The following P4HA3 variants were observed in gnomAD, a reference collection of about 807,000 sequenced individuals.
The protein encoded by P4HA3 is prolyl 4-hydroxylase subunit alpha 3, also known as prolyl 4-hydroxylase subunit alpha-3.
A neutral mutation model predicts 66.7 loss-of-function variants in P4HA3; 60 were observed. That is an observed-to-expected ratio of 0.90 (90% CI 0.73 to 1.12). P4HA3 has a LOEUF of 1.12. Ranked by LOEUF, P4HA3 falls within the 50% of genes most tolerant of loss-of-function variation. The pLI is 0.00. For missense variants in P4HA3, 683 were observed against 685.8 expected (o/e 1.00, Z 0.05); for synonymous variants, 263 against 274.6 (o/e 0.96, Z 0.42).
At chr11:74,281,437 C>T (rs1218917837) in intron 7 of P4HA3, among the ~76,000 whole-genome samples, 17 of 152,106 alleles carry the variant, frequency 1.1e-4, no homozygotes, top group South Asian at 4.2e-4. Context: ...ATGTTTATTG[C>T]GGCATTATTC....
intron 2 of P4HA3, among the ~76,000 whole-genome samples, chr11:74,303,745 C>T (rs993122278): frequency 6.6e-6 from 1 of 151,830 alleles, no homozygotes; most frequent in African/African-American, 2.4e-5. Flanking sequence ...CACGACTCCC[C>T]GGTAATTTTT....
intron 4 of P4HA3, among the ~76,000 whole-genome samples, chr11:74,290,924 G>A (rs1232946746): frequency 6.6e-6 from 1 of 152,156 alleles, no homozygotes; most frequent in Non-Finnish European, 1.5e-5. Flanking sequence ...ACTTGGCGAT[G>A]CGGGCTCTTT....
At chr11:74,278,473 A>C (rs955534818) in intron 8 of P4HA3, among the ~76,000 whole-genome samples, 1 of 152,174 alleles carries the variant, frequency 6.6e-6, no homozygotes, top group Non-Finnish European at 1.5e-5. Context: ...CCTTTGGGAG[A>C]CCAGCTCCAG....
intron 8 of P4HA3, among the ~76,000 whole-genome samples, chr11:74,277,802 C>T (rs1413385148): frequency 1.3e-5 from 2 of 152,206 alleles, no homozygotes; most frequent in Admixed American, 6.5e-5. Flanking sequence ...TCAGAATTTA[C>T]GTCCCTGGGA....
In P4HA3 at chr11:74,276,989, G is replaced by T. The variant is rs139165984; in HGVS notation, c.1331C>A (p.Ala444Asp). Residue 444 changes from alanine (A) to aspartate (D), a missense_variant, in exon 9 of 13, where the codon GCT (alanine) becomes GAT (aspartate). By Grantham distance (126) the Ala-to-Asp change is moderately radical (BLOSUM62 -2). Transcript: ENST00000331597. Reference sequence around the variant, plus strand: ...GGTCATTGACTCCACCATTACCGTAGCATGGTCAAAGTGAGGCTCATAGTG... The same window carrying T: ...GGTCATTGACTCCACCATTACCGTATCATGGTCAAAGTGAGGCTCATAGTG... Reference protein sequence around the residue: ...GGHYEPHFDHATSPSSPLYRM... With the variant: ...GGHYEPHFDHDTSPSSPLYRM... 4.3e-6 allele frequency: 7 copies of T among 1,613,014 alleles called. No individual in the cohort carries two copies. The African/African-American group carries it at 8.0e-5, about 18-fold the overall frequency.
At chr11:74,298,851 G>A (rs1407224572) in intron 3 of P4HA3, among the ~76,000 whole-genome samples, 4 of 152,362 alleles carry the variant, frequency 2.6e-5, no homozygotes, top group East Asian at 1.9e-4. Context: ...GTAGTCCATC[G>A]TGGCTGTAGC....
chr11:74,293,756 A>C (rs962157694), intron 4 of P4HA3, among the ~76,000 whole-genome samples: 4 of 152,198 alleles, frequency 2.6e-5, no homozygotes, highest in African/African-American at 9.7e-5. Context: ...CTTTTCTTTA[A>C]GAATGTTGAA....
At chr11:74,265,946 G>T (rs964626121), downstream of P4HA3, among the ~76,000 whole-genome samples, 2 of 152,216 alleles carry the variant, frequency 1.3e-5, no homozygotes, top group Non-Finnish European at 2.9e-5. Flanking sequence ...CCTGATAAGT[G>T]TTATGAAGAA....
At chr11:74,294,649 G>A (rs1485963033) in intron 4 of P4HA3, among the ~76,000 whole-genome samples, 1 of 152,158 alleles carries the variant, frequency 6.6e-6, no homozygotes, top group Non-Finnish European at 1.5e-5. Context: ...CTGTTTGTTA[G>A]TTTTCCTTCT....
chr11:74,286,202 C>G lies in P4HA3; in HGVS notation c.933+26G>C, dbSNP rs745529268. Reference sequence around the variant, plus strand: ...TCAAACTCTAGCCAGGCCTCTCCCCCTTTCTCTTTCCCTGAGGAATCCTAC... The same window carrying G: ...TCAAACTCTAGCCAGGCCTCTCCCCGTTTCTCTTTCCCTGAGGAATCCTAC... On this transcript the variant is annotated intron_variant, in intron 6 of 12. Coordinates refer to ENST00000331597, the MANE Select transcript of P4HA3 (RefSeq NM_182904.5). The G allele has an allele frequency of 5.6e-6, 9 of 1,607,116 alleles. No homozygotes were observed. The East Asian group carries it at 2.0e-4, about 36-fold the overall frequency.
intron 4 of P4HA3, among the ~76,000 whole-genome samples, chr11:74,293,546 G>A (rs978665757): frequency 1.3e-5 from 2 of 152,152 alleles, no homozygotes; most frequent in African/African-American, 2.4e-5. Flanking sequence ...TAGCCTCGAT[G>A]GTCTTTACAA....
At chr11:74,283,476 A>C (rs978472899) in intron 7 of P4HA3, among the ~76,000 whole-genome samples, 6 of 152,114 alleles carry the variant, frequency 3.9e-5, no homozygotes, top group Non-Finnish European at 8.8e-5. Flanking sequence ...TTCTCCCTCC[A>C]ATCCATGTCT....
chr11:74,272,310 T>C (rs1413629510), intron 10 of P4HA3, among the ~76,000 whole-genome samples: 2 of 152,160 alleles, frequency 1.3e-5, no homozygotes, highest in Non-Finnish European at 2.9e-5. Context: ...ACTGGGGCCC[T>C]GTAACCAGGG....
chr11:74,291,993 T>C (rs369787055), intron 4 of P4HA3, among the ~76,000 whole-genome samples: 6,024 of 152,254 alleles, frequency 0.04, 119 homozygotes, highest in Middle Eastern at 0.11. Flanking sequence ...TCTTTTTCTA[T>C]TGATTGGAAT....
chr11:74,295,032 G>A (rs562364434), intron 4 of P4HA3, among the ~76,000 whole-genome samples: 33 of 152,252 alleles, frequency 2.2e-4, no homozygotes, highest in Admixed American at 8.5e-4. Flanking sequence ...GCTGTAGACC[G>A]GAGCTGTTCC....
At chr11:74,268,281 G>C (rs755129309) in intron 11 of P4HA3, 40 bp from the exon 12 acceptor site, 15 of 1,532,934 alleles carry the variant, frequency 9.8e-6, no homozygotes, top group Admixed American at 1.7e-5. Flanking sequence ...GGTCAGCCCA[G>C]AACCTCAGTC....
intron 15 of P4HA3, chr11:74,253,859 A>G (rs1000125678): frequency 1.9e-5 from 8 of 410,348 alleles, no homozygotes; most frequent in South Asian, 9.1e-5. Context: ...TCTGAGTTCA[A>G]ATGTCTTCCC....
At chr11:74,257,282 G>T (rs904513801) in intron 15 of P4HA3, among the ~76,000 whole-genome samples, 10 of 152,034 alleles carry the variant, frequency 6.6e-5, no homozygotes. Context: ...CTGCCACCAC[G>T]CCCAGCTAAT....
intron 3 of P4HA3, among the ~76,000 whole-genome samples, chr11:74,300,239 A>G (rs1276226968): frequency 6.6e-6 from 1 of 152,232 alleles, no homozygotes; most frequent in Non-Finnish European, 1.5e-5. Context: ...CCTGCTGAAA[A>G]TAAGCTCCCA....
Sources: allele counts gnomAD v4.1 joint callset (sites outside exome capture counted in the v4.1 genomes callset), GRCh38; gene constraint gnomAD v4.1.1; transcripts MANE v1.5; gene names NCBI Gene and HGNC (gene_info 2026-07-23, HGNC 2026-07-21).